The following HAL variants were observed in gnomAD, a reference collection of about 807,000 sequenced individuals.
HAL encodes the protein histidine ammonia-lyase.
A neutral mutation model predicts 81.1 loss-of-function variants in HAL; 85 were observed. The ratio of observed to expected loss-of-function variants is 1.05; its 90% CI spans 0.88 to 1.25. The LOEUF (loss-of-function observed/expected upper bound fraction) is 1.25, where lower values mean the gene tolerates loss of function less well. HAL is among the 50% of genes most tolerant of loss of function. The pLI is 0.00. For missense variants in HAL, 798 were observed against 836.6 expected, an observed-to-expected ratio of 0.95 and a Z score of 0.57; for synonymous variants, 301 against 309.2, an observed-to-expected ratio of 0.97 and a Z score of 0.28.
intron 12 of HAL, 134 bp downstream of exon 12, chr12:95,986,933 G>C: frequency 2.6e-6 from 2 of 764,786 alleles, no homozygotes; most frequent in East Asian, 5.0e-5. Flanking sequence ...AGCACACTGG[G>C]TACGCCACAG....
In HAL at chr12:95,996,165, C is replaced by G; in HGVS notation, c.-169G>C. On this transcript the variant is annotated 5_prime_UTR_variant, in exon 1 of 21. Transcript: ENST00000261208. ...CCTCCTGTCCACTTTCCATCCAGACCTGCTGCCAGAAAGGCCTGGGGTCTC... is the reference window on the plus strand; with the variant it reads ...CCTCCTGTCCACTTTCCATCCAGACGTGCTGCCAGAAAGGCCTGGGGTCTC... The G allele has an allele frequency of 2.0e-6, 1 of 501,950 alleles. No individual in the cohort carries two copies. The highest frequency in any genetic ancestry group is 2.0e-5 in the South Asian group (1 of 49,494). The allele number at this position is 501,950 out of a possible 1,614,324, so 31.1% of individuals were successfully genotyped here. A position where few individuals can be genotyped will look rare whatever the true frequency, so the allele number is the denominator to read the frequency against.
chr12:95,987,228 GAGCAAAGTTTCCT>G lies in HAL; in HGVS notation c.904-27_904-15del, dbSNP rs747342107. 10 of 1,611,448 alleles carry G rather than the reference GAGCAAAGTTTCCT, an allele frequency of 6.2e-6. No homozygotes were observed. In the South Asian group the frequency reaches 1.1e-4, roughly 18 times the overall value. On this transcript the variant is annotated splice_polypyrimidine_tract_variant and intron_variant, in intron 11 of 20. Transcript: ENST00000261208. ...GAGTGCCAGGCCCTGTCGGGGGAGAGAGCAAAGTTTCCTACTGTGATTATTGTAACGAACCTAC... is the reference window on the plus strand; with the variant it reads ...GAGTGCCAGGCCCTGTCGGGGGAGAGACTGTGATTATTGTAACGAACCTAC...
intron 17 of HAL, 32 bp downstream of exon 17, chr12:95,980,524 C>A: frequency 5.6e-6 from 9 of 1,603,836 alleles, no homozygotes; most frequent in Non-Finnish European, 7.7e-6. Context: ...GATGGACGGG[C>A]GTGTGTTCTG....
Position 95,993,780 on chromosome 12 carries a change from A to G in HAL, c.543T>C (p.Asn181=). The change falls in exon 7 of 21, where the codon AAT becomes AAC. Residue 181 remains asparagine (N), a synonymous_variant. Transcript: ENST00000261208. ...GTGTGTTTTAAACTTACTGTAGCTT[A>G]TTGATAGGAATTACAGTTCTGGCAA... is the stretch of plus-strand genomic sequence containing the variant. ...GKFARTVIPI[N]KLQELQVNLV... The G allele has an allele frequency of 6.5e-7, 1 of 1,532,096 alleles. No individual in the cohort carries two copies. The highest frequency in any genetic ancestry group is 1.1e-5 in the South Asian group (1 of 89,290). The allele number at this position is 1,532,096 out of a possible 1,614,324, so 94.9% of individuals were successfully genotyped here. A position where few individuals can be genotyped will look rare whatever the true frequency, so the allele number is the denominator to read the frequency against.
At chr12:95,984,498 A>G (rs1949852456) in intron 14 of HAL, among the ~76,000 whole-genome samples, 1 of 152,234 alleles carries the variant, frequency 6.6e-6, no homozygotes, top group African/African-American at 2.4e-5. Context: ...ATCACATTAG[A>G]AGATGCTCAC....
Position 95,976,590 on chromosome 12 carries a change from G to C in HAL, c.1763+8C>G. 6.3e-7 allele frequency: 1 copy of C among 1,597,342 alleles called. No individual in the cohort carries two copies. ...TGATGTAATTTTCAGAGACCTGTTT[G>C]ATCTTACCTTACAACAGAGCGCACC... On this transcript the variant is annotated splice_region_variant and intron_variant, in intron 19 of 20. Coordinates refer to ENST00000261208, the MANE Select transcript of HAL (RefSeq NM_002108.4).
chr12:95,989,549 G>A (rs962694227), intron 10 of HAL: 2 of 152,622 alleles, frequency 1.3e-5, no homozygotes, highest in East Asian at 3.9e-4. Context: ...ACATAGAAGG[G>A]ATTAGGGGCT....
At chr12:95,988,059 CCTT>C (rs1949917667) in intron 11 of HAL, 131 bp downstream of exon 11, 7 of 699,722 alleles carry the variant, frequency 1.0e-5, no homozygotes, top group South Asian at 9.6e-5. Context: ...CGGAGTTGCC[CCTT>C]CTTCAGGGAT....
In HAL at chr12:95,988,223, T is replaced by C. The variant is rs377216438; in HGVS notation, c.873A>G (p.Gly291=). Reference sequence around the variant, plus strand: ...TTGGTTTTAAAATAACTGGTTTCAATCCATGGGCTTCTAGCACCTATAGAA... The same window carrying C: ...TTGGTTTTAAAATAACTGGTTTCAACCCATGGGCTTCTAGCACCTATAGAA... ...ADAKYVLEAH[G]LKPVILKPKE... The change falls in exon 11 of 21, where the codon GGA becomes GGG. Residue 291 remains glycine, a synonymous_variant. Transcript: ENST00000261208. 11 of 1,515,690 alleles carry C rather than the reference T, an allele frequency of 7.3e-6. No individual in the cohort carries two copies. Among genetic ancestry groups the C allele is most frequent in the Non-Finnish European group, 9.2e-6 (10 of 1,090,584 alleles). The allele number at this position is 1,515,690 out of a possible 1,614,324, so 93.9% of individuals were successfully genotyped here.
chr12:95,980,868 C>G lies in HAL; in HGVS notation c.1288-5G>C. On this transcript the variant is annotated splice_region_variant and splice_polypyrimidine_tract_variant and intron_variant, in intron 15 of 20. Transcript: ENST00000261208. ...TCCCCTATTGGCAAAGACCATCTTTCAAAAGAGGTTAAGGCTTGAAGATAA... is the reference window on the plus strand; with the variant it reads ...TCCCCTATTGGCAAAGACCATCTTTGAAAAGAGGTTAAGGCTTGAAGATAA... 6.5e-7 allele frequency: 1 copy of G among 1,533,400 alleles called. No individual in the cohort carries two copies. Among genetic ancestry groups the G allele is most frequent in the South Asian group, 1.1e-5 (1 of 89,192 alleles). The allele number at this position is 1,533,400 out of a possible 1,614,324, so 95.0% of individuals were successfully genotyped here. A position where few individuals can be genotyped will look rare whatever the true frequency, so the allele number is the denominator to read the frequency against.
In HAL at chr12:95,995,772, A is replaced by G; in HGVS notation, c.139T>C (p.Ser47Pro). Residue 47 changes from serine (S) to proline (P), a missense_variant, in exon 2 of 21, where the codon TCC (serine) becomes CCC (proline). Coordinates refer to ENST00000261208, the MANE Select transcript of HAL (RefSeq NM_002108.4). ...KNKPDNGGFTSVDDAHFLVRR... is the reference protein window; with the variant it reads ...KNKPDNGGFTPVDDAHFLVRR... The stretch of plus-strand genomic sequence containing the variant: ...ACAAGGAAGTGCGCGTCATCCACGG[A>G]GGTGAAGCCACCATTGTCGGGCTTA... The G allele has an allele frequency of 6.2e-7, 1 of 1,613,692 alleles. No individual in the cohort carries two copies. The highest frequency in any genetic ancestry group is 8.5e-7 in the Non-Finnish European group (1 of 1,180,028).
At chr12:95,975,197 A>G (rs1264784450) in intron 20 of HAL, among the ~76,000 whole-genome samples, 1 of 152,260 alleles carries the variant, frequency 6.6e-6, no homozygotes, top group Non-Finnish European at 1.5e-5. Context: ...ACCTGGGACA[A>G]GTCAGAATCT....
chr12:95,986,311 G>A, intron 12 of HAL, 151 bp from the exon 13 acceptor site: 1 of 678,128 alleles, frequency 1.5e-6, no homozygotes, highest in Non-Finnish European at 2.7e-6. Context: ...GGGATTACAG[G>A]CATGAGCCAC....
At chr12:95,986,430 C>T (rs530835263) in intron 12 of HAL, among the ~76,000 whole-genome samples, 22 of 152,264 alleles carry the variant, frequency 1.4e-4, no homozygotes, top group Non-Finnish European at 3.1e-4. Context: ...TTAGCCACCA[C>T]TCAGAATTAG....
intron 7 of HAL, 55 bp from the exon 8 acceptor site, chr12:95,993,543 C>T: frequency 8.4e-7 from 1 of 1,191,478 alleles, no homozygotes; most frequent in Non-Finnish European, 1.3e-6. Flanking sequence ...AAAATGTTCC[C>T]TCAGCTGGGA....
Position 95,978,036 on chromosome 12 carries a change from G to C in HAL, c.1562C>G (p.Ser521Cys). 2 of 1,613,618 alleles carry C rather than the reference G, an allele frequency of 1.2e-6. No individual in the cohort carries two copies. Among genetic ancestry groups the C allele is most frequent in the Non-Finnish European group, 1.7e-6 (2 of 1,179,502 alleles). ...CTCCGTGGCTGCGCTGGTGGAGAGG[G>C]AGTCAACAGACGAGGGATGGCACAG... The part of the protein sequence containing the change: ...KALCHPSSVD[S>C]LSTSAATEDH... Residue 521 changes from serine to cysteine, a missense_variant, in exon 18 of 21, where the codon TCC becomes TGC. Physicochemically the swap from Ser to Cys is moderately radical, Grantham distance 112 (BLOSUM62 -1). Transcript: ENST00000261208.
intron 9 of HAL, 100 bp downstream of exon 9, chr12:95,992,580 T>C (rs767492236): frequency 2.7e-5 from 29 of 1,071,576 alleles, no homozygotes; most frequent in Non-Finnish European, 3.8e-5. Flanking sequence ...AATTATTTCA[T>C]GTCTTCTCAG....
At chr12:95,986,536 C>T (rs546754192) in intron 12 of HAL, among the ~76,000 whole-genome samples, 1 of 152,300 alleles carries the variant, frequency 6.6e-6, no homozygotes, top group South Asian at 2.1e-4. Context: ...ACTGGGAATT[C>T]CACTCAAGAC....
chr12:95,985,882 G>T, intron 14 of HAL, 26 bp downstream of exon 14: 3 of 1,515,764 alleles, frequency 2.0e-6, no homozygotes, highest in South Asian at 2.3e-5. Flanking sequence ...ATTTTTTATT[G>T]ACCTTTTTTT....
Sources: allele counts gnomAD v4.1 joint callset (sites outside exome capture counted in the v4.1 genomes callset), GRCh38; gene constraint gnomAD v4.1.1; transcripts MANE v1.5; gene names NCBI Gene and HGNC (gene_info 2026-07-23, HGNC 2026-07-21).